SORCS2: variants seen among roughly 807,000 people sequenced by gnomAD.
SORCS2 encodes the protein sortilin related VPS10 domain containing receptor 2, also known as VPS10 domain-containing receptor SorCS2.
Under a neutral mutation model 141.6 loss-of-function variants are expected in SORCS2, and 100 were observed. The ratio of observed to expected loss-of-function variants is 0.71; its 90% CI spans 0.60 to 0.83. The LOEUF is 0.83. Ranked by LOEUF, SORCS2 falls within the 40% of genes least tolerant of loss-of-function variation. The pLI, the probability that SORCS2 is intolerant of heterozygous loss-of-function variation, is 0.00. For missense variants in SORCS2, 1,646 were observed against 1,560.2 expected, an observed-to-expected ratio of 1.05 and a Z score of -0.93; for synonymous variants, 789 against 676.9, an observed-to-expected ratio of 1.17 and a Z score of -2.57.
intron 1 of SORCS2, among the ~76,000 whole-genome samples, chr4:7,364,780 T>C (rs887516545): frequency 6.6e-6 from 1 of 152,146 alleles, no homozygotes; most frequent in Non-Finnish European, 1.5e-5. Context: ...AAGAGAAAAC[T>C]TCAGTTCCCA....
chr4:7,552,559 G>T (rs973760988), intron 3 of SORCS2, among the ~76,000 whole-genome samples: 1 of 152,224 alleles, frequency 6.6e-6, no homozygotes, highest in South Asian at 2.1e-4. Context: ...GAGAGACCAT[G>T]CCAGCAGCTG....
At chr4:7,458,145 G>C (rs1729042590) in intron 2 of SORCS2, among the ~76,000 whole-genome samples, 1 of 152,202 alleles carries the variant, frequency 6.6e-6, no homozygotes, top group African/African-American at 2.4e-5. Context: ...CCGGAAAGAG[G>C]GAAGATCTTG....
At chr4:7,259,626 G>C (rs942829571) in intron 1 of SORCS2, among the ~76,000 whole-genome samples, 1 of 152,198 alleles carries the variant, frequency 6.6e-6, no homozygotes, top group African/African-American at 2.4e-5. Flanking sequence ...CTTTGATGTA[G>C]CAGTACCCGC....
intron 11 of SORCS2, among the ~76,000 whole-genome samples, chr4:7,689,991 GTAGA>G (rs1225390514): frequency 9.9e-5 from 15 of 152,194 alleles, no homozygotes; most frequent in Non-Finnish European, 2.1e-4. Flanking sequence ...TGGATGGGTG[GTAGA>G]TGGATGGATG....
At chr4:7,627,029 A>G (rs958644728) in intron 3 of SORCS2, among the ~76,000 whole-genome samples, 2 of 152,094 alleles carry the variant, frequency 1.3e-5, no homozygotes, top group Non-Finnish European at 2.9e-5. Context: ...TCTTTCACCC[A>G]GGCTGGAGTG....
intron 1 of SORCS2, among the ~76,000 whole-genome samples, chr4:7,391,896 G>C (rs1723886379): frequency 6.6e-6 from 1 of 152,192 alleles, no homozygotes; most frequent in South Asian, 2.1e-4. Flanking sequence ...AAATCGGGGT[G>C]CCCTGCAGAC....
At chr4:7,307,920 A>G (rs1177279510) in intron 1 of SORCS2, among the ~76,000 whole-genome samples, 1 of 151,932 alleles carries the variant, frequency 6.6e-6, no homozygotes, top group Non-Finnish European at 1.5e-5. Flanking sequence ...GTGTGTGTGC[A>G]TGAGTGTGCA....
chr4:7,392,311 G>A (rs1048681998), intron 1 of SORCS2, among the ~76,000 whole-genome samples: 1 of 151,752 alleles, frequency 6.6e-6, no homozygotes, highest in African/African-American at 2.4e-5. Flanking sequence ...ACCCTTAGGT[G>A]TCAGGAGGAG....
At chr4:7,453,129 G>A (rs1293177017) in intron 2 of SORCS2, among the ~76,000 whole-genome samples, 24 of 139,722 alleles carry the variant, frequency 1.7e-4, no homozygotes, top group Non-Finnish European at 2.5e-4. Context: ...GCTGTGTGTT[G>A]GGGTCAGGTG....
At chr4:7,591,704 C>T (rs1716924264) in intron 3 of SORCS2, among the ~76,000 whole-genome samples, 1 of 152,142 alleles carries the variant, frequency 6.6e-6, no homozygotes, top group Non-Finnish European at 1.5e-5. Context: ...CCCAATCCTT[C>T]CCCATCGCCC....
intron 12 of SORCS2, among the ~76,000 whole-genome samples, chr4:7,702,789 C>G (rs767338321): frequency 2.0e-5 from 3 of 152,258 alleles, no homozygotes; most frequent in African/African-American, 2.4e-5. Flanking sequence ...GACAGATGAG[C>G]ATAGTAAGTG....
At chr4:7,721,001 T>A (rs2079168) in intron 18 of SORCS2, among the ~76,000 whole-genome samples, 21,965 of 152,092 alleles carry the variant, frequency 0.14, 2,628 homozygotes, top group African/African-American at 0.33. Flanking sequence ...CATATCAGAG[T>A]AATGAAGACT....
intron 5 of SORCS2, 113 bp from the exon 6 acceptor site, chr4:7,661,383 GAGCA>G (rs1722153948): frequency 9.3e-7 from 1 of 1,079,200 alleles, no homozygotes; most frequent in African/African-American, 1.6e-5. Context: ...CGGACCCACA[GAGCA>G]AGGGCGGCTT....
chr4:7,676,331 A>G, intron 9 of SORCS2, 102 bp downstream of exon 9: 1 of 1,291,954 alleles, frequency 7.7e-7, no homozygotes, highest in East Asian at 2.5e-5. Context: ...CTGTCTATAT[A>G]GCTGTCTCAA....
intron 1 of SORCS2, among the ~76,000 whole-genome samples, chr4:7,263,516 C>T (rs529963428): frequency 3.6e-4 from 55 of 152,344 alleles, no homozygotes; most frequent in African/African-American, 1.2e-3. Flanking sequence ...GACCTGATTG[C>T]GAACCTGCTG....
Position 7,218,056 on chromosome 4 carries a change from G to A in SORCS2, c.480+24930G>A, listed in dbSNP as rs761348314. Among the ~76,000 whole-genome samples the A allele has an allele frequency of 2.6e-5, 4 of 152,150 alleles. No homozygotes were observed. In the South Asian group the frequency reaches 6.2e-4, roughly 24 times the overall value. On this transcript the variant is annotated intron_variant, in intron 1 of 26. Transcript: ENST00000507866. ...CGGGGGGTGCTCTTCATGCATGTGC[G>A]TGAATGGCCAGGGTGGGCAGAGCTG...
intron 8 of SORCS2, among the ~76,000 whole-genome samples, chr4:7,674,583 A>AT (rs1213926496): frequency 1.2e-5 from 1 of 86,242 alleles, no homozygotes; most frequent in African/African-American, 7.7e-5. Flanking sequence ...CAAAATAAAA[A>AT]AAAAAAAAAA....
At chr4:7,530,912 T>G (rs1318203032) in intron 2 of SORCS2, among the ~76,000 whole-genome samples, 3 of 152,154 alleles carry the variant, frequency 2.0e-5, no homozygotes, top group African/African-American at 7.2e-5. Flanking sequence ...AGGGCGGGCA[T>G]AGTGCTTGGG....
At chr4:7,458,239 C>T (rs908979230) in intron 2 of SORCS2, among the ~76,000 whole-genome samples, 1 of 152,040 alleles carries the variant, frequency 6.6e-6, no homozygotes, top group Non-Finnish European at 1.5e-5. Context: ...AGTTTGACGC[C>T]AGAGGCTGGC....
Sources: gnomAD v4.1 joint callset for allele counts (sites outside exome capture counted in the v4.1 genomes callset) on GRCh38, gnomAD v4.1.1 for gene constraint, MANE v1.5 for transcripts, NCBI Gene and HGNC (gene_info 2026-07-23, HGNC 2026-07-21) for gene names.